Variants in ASIC2 observed in about 807,000 individuals in gnomAD.
ASIC2 encodes the protein acid-sensing ion channel 2.
ASIC2 carries 25 observed loss-of-function variants against 57.3 expected under a neutral mutation model. The observed-to-expected ratio is 0.44, with a 90% CI of 0.32 to 0.61. ASIC2 has a LOEUF of 0.61. Among genes scored for constraint, ASIC2 ranks in the 20% least tolerant of loss-of-function variants. The pLI is 0.06. For missense variants in ASIC2, 641 were observed against 738.1 expected (o/e 0.87, Z 1.52); for synonymous variants, 319 against 307.5 (o/e 1.04, Z -0.39).
chr17:33,735,991 C>T (rs1400445234), intron 1 of ASIC2, among the ~76,000 whole-genome samples: 1 of 152,062 alleles, frequency 6.6e-6, no homozygotes, highest in Non-Finnish European at 1.5e-5. Context: ...GTCCCAGTCA[C>T]CCTCCTGGTC....
chr17:33,408,109 G>T (rs999851516), intron 1 of ASIC2, among the ~76,000 whole-genome samples: 1 of 152,154 alleles, frequency 6.6e-6, no homozygotes, highest in Middle Eastern at 3.2e-3. Flanking sequence ...TTCCTTTCTT[G>T]CTCAGATCCT....
At chr17:33,129,340 A>G (rs140540440) in intron 1 of ASIC2, among the ~76,000 whole-genome samples, 260 of 152,364 alleles carry the variant, frequency 1.7e-3, no homozygotes, top group African/African-American at 6.1e-3. Flanking sequence ...GAAAACAAAA[A>G]AAGAAATGGC....
In ASIC2 at chr17:33,623,246, G is replaced by C. The variant is rs200615370; in HGVS notation, c.556-511179C>G. On this transcript the variant is annotated intron_variant, in intron 1 of 9. Transcript: ENST00000359872. ...ACCTCTTGTGATATCGTTTTTTTTT[G>C]TTTGTTTGTTTGTTTGTTTGTTTGT... Among the ~76,000 whole-genome samples the C allele has an allele frequency of 2.1e-4, 3 of 14,232 alleles. No individual in the cohort carries two copies. In the South Asian group the frequency reaches 5.7e-3, roughly 27 times the overall value. The allele number at this position is 14,232 out of a possible 152,430, so 9.3% of individuals were successfully genotyped here.
At chr17:33,313,985 T>C (rs1270083527) in intron 1 of ASIC2, among the ~76,000 whole-genome samples, 1 of 152,080 alleles carries the variant, frequency 6.6e-6, no homozygotes, top group Non-Finnish European at 1.5e-5. Context: ...TATTTTTTGT[T>C]TCCTTAAGGT....
intron 1 of ASIC2, among the ~76,000 whole-genome samples, chr17:33,832,236 A>G (rs1480654673): frequency 6.6e-6 from 1 of 152,238 alleles, no homozygotes; most frequent in Non-Finnish European, 1.5e-5. Flanking sequence ...GCAAAGTGGT[A>G]TCAAAATATA....
At chr17:33,613,696 A>T (rs1905498576) in intron 1 of ASIC2, among the ~76,000 whole-genome samples, 1 of 152,082 alleles carries the variant, frequency 6.6e-6, no homozygotes, top group South Asian at 2.1e-4. Flanking sequence ...ACATACGGAA[A>T]TGTGTAGTCT....
At chr17:33,345,486 T>C (rs1308242336) in intron 1 of ASIC2, among the ~76,000 whole-genome samples, 1 of 152,038 alleles carries the variant, frequency 6.6e-6, no homozygotes, top group African/African-American at 2.4e-5. Context: ...AAAAAGACAA[T>C]ATGGAGCAGA....
chr17:33,636,911 A>G (rs1906389841), intron 1 of ASIC2, among the ~76,000 whole-genome samples: 1 of 151,814 alleles, frequency 6.6e-6, no homozygotes, highest in African/African-American at 2.4e-5. Context: ...CACCTGTACA[A>G]TTCTCTCCAG....
intron 1 of ASIC2, among the ~76,000 whole-genome samples, chr17:33,364,649 T>C (rs1847535): frequency 0.85 from 129,106 of 152,102 alleles, 54,900 homozygotes; most frequent in South Asian, 0.92. Flanking sequence ...CCTTCCACCA[T>C]GATCGTGAGT....
intron 1 of ASIC2, among the ~76,000 whole-genome samples, chr17:33,528,855 A>G (rs1914966481): frequency 6.6e-6 from 1 of 152,170 alleles, no homozygotes; most frequent in African/African-American, 2.4e-5. Flanking sequence ...GGTCTTAATT[A>G]AGAAAGAAAT....
chr17:33,561,006 A>G lies in ASIC2; in HGVS notation c.556-448939T>C, dbSNP rs115305627. On this transcript the variant is annotated intron_variant, in intron 1 of 9. Coordinates refer to the ASIC2 transcript ENST00000359872. ...TTTTGTATGCAGTAGTAGGTGGCATACTTCTGGGCAGTCTAAATTTTCAGA... is the reference window on the plus strand; with the variant it reads ...TTTTGTATGCAGTAGTAGGTGGCATGCTTCTGGGCAGTCTAAATTTTCAGA... Among the ~76,000 whole-genome samples the G allele has an allele frequency of 9.2e-3, 1,393 of 152,168 alleles. 16 individuals are homozygous for G. Among genetic ancestry groups the G allele is most frequent in the African/African-American group, 0.029 (1,214 of 41,516 alleles).
chr17:33,301,696 G>A (rs1905966452), intron 1 of ASIC2, among the ~76,000 whole-genome samples: 1 of 152,110 alleles, frequency 6.6e-6, no homozygotes, highest in Non-Finnish European at 1.5e-5. Flanking sequence ...TTATTAAAAG[G>A]CAATTTAAAT....
chr17:33,097,197 G>A (rs1271738001), intron 2 of ASIC2, among the ~76,000 whole-genome samples: 1 of 152,190 alleles, frequency 6.6e-6, no homozygotes, highest in East Asian at 1.9e-4. Flanking sequence ...GGGCTTTGCA[G>A]GCTGGGACCC....
intron 1 of ASIC2, among the ~76,000 whole-genome samples, chr17:33,128,184 T>C (rs2092331633): frequency 6.6e-6 from 1 of 152,222 alleles, no homozygotes; most frequent in South Asian, 2.1e-4. Context: ...CCTGGGGCTT[T>C]GCCAGCACCC....
chr17:33,563,334 T>C (rs1401560618), intron 1 of ASIC2, among the ~76,000 whole-genome samples: 2 of 152,176 alleles, frequency 1.3e-5, no homozygotes, highest in Non-Finnish European at 2.9e-5. Context: ...TTTCCTGTGT[T>C]ATGGTGGATG....
chr17:33,535,993 C>T (rs928380129), intron 1 of ASIC2, among the ~76,000 whole-genome samples: 7 of 152,286 alleles, frequency 4.6e-5, no homozygotes, highest in Middle Eastern at 3.4e-3. Flanking sequence ...GTCTTGTTTC[C>T]GAGGTGCATT....
chr17:33,557,384 C>G (rs1382322414), intron 1 of ASIC2, among the ~76,000 whole-genome samples: 1 of 152,066 alleles, frequency 6.6e-6, no homozygotes, highest in Non-Finnish European at 1.5e-5. Flanking sequence ...AACTAAATAC[C>G]TACTATGTGC....
At chr17:33,945,766 A>G (rs17783797) in intron 1 of ASIC2, among the ~76,000 whole-genome samples, 16,321 of 152,186 alleles carry the variant, frequency 0.11, 1,029 homozygotes, top group Middle Eastern at 0.17. Context: ...ACAAAAATAC[A>G]TCAATCCACT....
At chr17:33,111,244 T>C (rs529712802) in intron 2 of ASIC2, among the ~76,000 whole-genome samples, 52 of 152,366 alleles carry the variant, frequency 3.4e-4, no homozygotes, top group African/African-American at 1.1e-3. Flanking sequence ...TTCCCTGTGA[T>C]TGTGTCTCTT....
Sources: allele counts gnomAD v4.1 joint callset (sites outside exome capture counted in the v4.1 genomes callset), GRCh38; gene constraint gnomAD v4.1.1; transcripts MANE v1.5; gene names NCBI Gene and HGNC (gene_info 2026-07-23, HGNC 2026-07-21).